Variants in CNTN4 observed in about 807,000 individuals in gnomAD.
CNTN4 encodes the protein contactin 4.
CNTN4 carries 77 observed loss-of-function variants against 122.5 expected under a neutral mutation model. That is an observed-to-expected ratio of 0.63 (90% CI 0.52 to 0.76). The LOEUF (loss-of-function observed/expected upper bound fraction) is 0.76, where lower values mean the gene tolerates loss of function less well. Ranked by LOEUF, CNTN4 falls within the 30% of genes least tolerant of loss-of-function variation. The pLI, the probability that CNTN4 is intolerant of heterozygous loss-of-function variation, is 0.00. For synonymous variants in CNTN4, 512 were observed against 447.0 expected, an observed-to-expected ratio of 1.15 and a Z score of -1.83; for missense variants, 1,256 against 1,259.1, an observed-to-expected ratio of 1.00 and a Z score of 0.04.
chr3:2,390,005 CT>C lies in CNTN4; in HGVS notation c.-89+50775del, dbSNP rs1475792186. ...GTGTATATGAACTATCTCAGATTTG[CT>C]TTGGTTTTAAAGGACATTACTGGGA... On this transcript the variant is annotated intron_variant, in intron 3 of 24. Coordinates refer to ENST00000418658, the MANE Select transcript of CNTN4 (RefSeq NM_175607.3). 4.6e-5 allele frequency among the ~76,000 whole-genome samples: 7 copies of C among 152,156 alleles called. No individual in the cohort carries two copies. The South Asian group carries it at 1.2e-3, about 27-fold the overall frequency.
At chr3:2,964,957 G>GA in intron 13 of CNTN4, among the ~76,000 whole-genome samples, 1 of 152,116 alleles carries the variant, frequency 6.6e-6, no homozygotes, top group Non-Finnish European at 1.5e-5. Context: ...CTACTCGAGG[G>GA]GTTGAAGATA....
chr3:2,916,720 C>A (rs2094361102), intron 12 of CNTN4, among the ~76,000 whole-genome samples: 1 of 144,004 alleles, frequency 6.9e-6, no homozygotes, highest in African/African-American at 2.7e-5. Flanking sequence ...GTTGGGTACA[C>A]CTCCCAGACG....
Position 2,494,874 on chromosome 3 carries a change from T to G in CNTN4, c.-88-76542T>G, listed in dbSNP as rs554626020. 1.2e-4 allele frequency among the ~76,000 whole-genome samples: 18 copies of G among 152,318 alleles called. No homozygotes were observed. The South Asian group carries it at 3.7e-3, about 32-fold the overall frequency. On this transcript the variant is annotated intron_variant, in intron 3 of 24. Coordinates refer to ENST00000418658, the MANE Select transcript of CNTN4 (RefSeq NM_175607.3). ...AGGGAGGAGAGTAAAAAATACTGTA[T>G]GTATGTACAATATGTTTTCCATTAA...
At chr3:2,980,139 A>G (rs186039097) in intron 13 of CNTN4, among the ~76,000 whole-genome samples, 4 of 152,356 alleles carry the variant, frequency 2.6e-5, no homozygotes, top group Admixed American at 2.6e-4. Context: ...TTATCTCCTG[A>G]GTCCAGATTT....
At chr3:2,408,371 A>T (rs1242153687) in intron 3 of CNTN4, among the ~76,000 whole-genome samples, 1 of 152,226 alleles carries the variant, frequency 6.6e-6, no homozygotes, top group Non-Finnish European at 1.5e-5. Context: ...CATCTGGGAA[A>T]TGATTTATAA....
chr3:2,382,565 A>G (rs2046068349), intron 3 of CNTN4, among the ~76,000 whole-genome samples: 1 of 152,192 alleles, frequency 6.6e-6, no homozygotes, highest in South Asian at 2.1e-4. Flanking sequence ...CTAGTTCCTA[A>G]AAGGCTTGAC....
chr3:2,254,102 A>G lies in CNTN4; in HGVS notation c.-144-85076A>G, dbSNP rs1165521562. Among the ~76,000 whole-genome samples, 4 of 116,092 alleles carry G rather than the reference A, an allele frequency of 3.4e-5. No individual in the cohort carries two copies. The Admixed American group carries it at 5.5e-4, about 16-fold the overall frequency. The allele number at this position is 116,092 out of a possible 152,430, so 76.2% of individuals were successfully genotyped here. On this transcript the variant is annotated intron_variant, in intron 2 of 24. Transcript: ENST00000418658. The stretch of plus-strand genomic sequence containing the variant: ...CCCCTCCCTGTGTCCATGTGTTCTT[A>G]TAGTTCAACTCCCACTTATGAGTGA...
rs191302012 is a variant in CNTN4, at chr3:2,986,701, A to G, written c.1359-1644A>G. Among the ~76,000 whole-genome samples, 32 of 152,360 alleles carry G rather than the reference A, an allele frequency of 2.1e-4. 1 individual carries two copies. The highest frequency in any genetic ancestry group is 2.0e-3 in the Admixed American group (31 of 15,306). ...GATATTTGAAAGGACTCTGTTAAGT[A>G]TAGCACTAGTGCCAAGTGGTTCAAC... On this transcript the variant is annotated intron_variant, in intron 13 of 24. Coordinates refer to ENST00000418658, the MANE Select transcript of CNTN4 (RefSeq NM_175607.3).
At chr3:2,520,727 C>A (rs2077182190) in intron 3 of CNTN4, among the ~76,000 whole-genome samples, 1 of 143,410 alleles carries the variant, frequency 7.0e-6, no homozygotes, top group Non-Finnish European at 1.6e-5. Context: ...TTCCACTAGA[C>A]ATTTTAGACA....
chr3:2,745,522 G>A lies in CNTN4; in HGVS notation c.183G>A (p.Arg61=). 4 of 1,612,986 alleles carry A rather than the reference G, an allele frequency of 2.5e-6. No homozygotes were observed. Among genetic ancestry groups the A allele is most frequent in the Non-Finnish European group, 3.4e-6 (4 of 1,178,984 alleles). ...EVKGNPKPHI[R]WKLNGTDVDT... ...ATCTACTGGCATTTTTATACTATAG[G>A]TGGAAGTTAAATGGAACAGATGTTG... is the stretch of plus-strand genomic sequence containing the variant. Residue 61 remains arginine, a splice_region_variant and synonymous_variant, in exon 6 of 25, where the codon AGG becomes AGA. Coordinates refer to ENST00000418658, the MANE Select transcript of CNTN4 (RefSeq NM_175607.3).
chr3:2,515,919 C>A (rs922386823), intron 3 of CNTN4, among the ~76,000 whole-genome samples: 1 of 139,344 alleles, frequency 7.2e-6, no homozygotes, highest in Non-Finnish European at 1.5e-5. Context: ...TATATATATA[C>A]ACACACACTT....
chr3:2,640,306 A>G (rs1478076015), intron 4 of CNTN4, among the ~76,000 whole-genome samples: 2 of 152,192 alleles, frequency 1.3e-5, no homozygotes, highest in African/African-American at 4.8e-5. Context: ...CTGTACTCTA[A>G]CACTGTAGCA....
chr3:2,295,287 C>T (rs2042270242), intron 2 of CNTN4, among the ~76,000 whole-genome samples: 1 of 142,564 alleles, frequency 7.0e-6, no homozygotes, highest in Non-Finnish European at 1.5e-5. Context: ...AGTTTACAGT[C>T]CCACCAACAG....
intron 3 of CNTN4, among the ~76,000 whole-genome samples, chr3:2,556,013 A>C (rs529388574): frequency 2.6e-5 from 4 of 152,306 alleles, no homozygotes; most frequent in African/African-American, 9.6e-5. Flanking sequence ...CAAGAAACCA[A>C]GAGCTACGTA....
intron 13 of CNTN4, among the ~76,000 whole-genome samples, chr3:2,967,160 A>C (rs1291982114): frequency 2.0e-5 from 3 of 152,070 alleles, no homozygotes; most frequent in African/African-American, 7.2e-5. Context: ...GTGAGTCAGG[A>C]GTTCTGATTG....
intron 14 of CNTN4, among the ~76,000 whole-genome samples, chr3:2,997,940 T>C (rs1257009141): frequency 6.6e-6 from 1 of 152,216 alleles, no homozygotes; most frequent in Non-Finnish European, 1.5e-5. Flanking sequence ...CCAACTGTCA[T>C]CTTATTAACT....
At chr3:2,838,801 T>C (rs1267325187) in intron 7 of CNTN4, among the ~76,000 whole-genome samples, 3 of 152,186 alleles carry the variant, frequency 2.0e-5, no homozygotes, top group African/African-American at 7.2e-5. Context: ...GTACATTAAC[T>C]ACTCTATGAC....
At chr3:2,207,245 A>G (rs2038401988) in intron 2 of CNTN4, among the ~76,000 whole-genome samples, 1 of 152,078 alleles carries the variant, frequency 6.6e-6, no homozygotes, top group Admixed American at 6.6e-5. Flanking sequence ...TAGGCCGATT[A>G]ATAACCCTCC....
chr3:2,628,245 A>G (rs2082285367), intron 4 of CNTN4, among the ~76,000 whole-genome samples: 2 of 152,148 alleles, frequency 1.3e-5, no homozygotes, highest in Admixed American at 1.3e-4. Context: ...CTGCTTTCCA[A>G]AGTAACAGAT....
Sources: gnomAD v4.1 joint callset for allele counts (sites outside exome capture counted in the v4.1 genomes callset) on GRCh38, gnomAD v4.1.1 for gene constraint, MANE v1.5 for transcripts, NCBI Gene and HGNC (gene_info 2026-07-23, HGNC 2026-07-21) for gene names.